The following SLC14A2 variants were observed in gnomAD, a reference collection of about 807,000 sequenced individuals.
The protein encoded by SLC14A2 is solute carrier family 14 member 2.
Under a neutral mutation model 104.6 loss-of-function variants are expected in SLC14A2, and 91 were observed. The ratio of observed to expected loss-of-function variants is 0.87; its 90% CI spans 0.73 to 1.04. SLC14A2 has a LOEUF of 1.04. Among genes scored for constraint, SLC14A2 ranks in the 50% least tolerant of loss-of-function variants. SLC14A2 has a pLI of 0.00. For missense variants in SLC14A2, 1,189 were observed against 1,156.0 expected (o/e 1.03, Z -0.41); for synonymous variants, 476 against 466.4 (o/e 1.02, Z -0.27).
At chr18:45,227,561 T>G (rs2084131987) in intron 1 of SLC14A2, among the ~76,000 whole-genome samples, 1 of 152,210 alleles carries the variant, frequency 6.6e-6, no homozygotes, top group Admixed American at 6.5e-5. Context: ...CTTAATCCCA[T>G]TAATGAGGGA....
At chr18:45,640,579 G>A (rs1412684409) in intron 7 of SLC14A2, among the ~76,000 whole-genome samples, 2 of 152,166 alleles carry the variant, frequency 1.3e-5, no homozygotes, top group East Asian at 3.8e-4. Context: ...GTCAGAGATT[G>A]GGGTAGGAGC....
the SLC14A2 span, among the ~76,000 whole-genome samples, chr18:45,194,694 G>A: frequency 7.1e-6 from 1 of 140,248 alleles, no homozygotes; most frequent in African/African-American, 2.7e-5. Context: ...TGCCCAGGCT[G>A]GAGTGCAGTG....
chr18:45,402,375 C>T (rs1345673619), intron 1 of SLC14A2, among the ~76,000 whole-genome samples: 1 of 152,148 alleles, frequency 6.6e-6, no homozygotes, highest in East Asian at 1.9e-4. Context: ...CATAAAAGAA[C>T]ACAAAAGACG....
intron 1 of SLC14A2, among the ~76,000 whole-genome samples, chr18:45,433,018 C>A (rs1350623945): frequency 2.0e-5 from 3 of 152,116 alleles, no homozygotes; most frequent in African/African-American, 7.2e-5. Context: ...TCTAAATTCT[C>A]CTCATCCTTC....
At chr18:45,356,369 C>T (rs2085554253) in intron 1 of SLC14A2, among the ~76,000 whole-genome samples, 1 of 152,158 alleles carries the variant, frequency 6.6e-6, no homozygotes, top group Non-Finnish European at 1.5e-5. Context: ...CAATAATCAT[C>T]ATCATATAGG....
intron 19 of SLC14A2, among the ~76,000 whole-genome samples, chr18:45,679,708 A>C (rs1005265638): frequency 6.6e-6 from 1 of 152,146 alleles, no homozygotes; most frequent in Non-Finnish European, 1.5e-5. Context: ...TTCTAGTAAC[A>C]CCTGCCTAGA....
At chr18:45,271,130 G>A (rs1433947105) in intron 1 of SLC14A2, among the ~76,000 whole-genome samples, 1 of 152,136 alleles carries the variant, frequency 6.6e-6, no homozygotes, top group Non-Finnish European at 1.5e-5. Context: ...CATTGGTGAT[G>A]CATCCACTTG....
intron 1 of SLC14A2, chr18:45,424,247 G>C (rs1231180894): frequency 6.6e-6 from 1 of 152,274 alleles, no homozygotes; most frequent in Non-Finnish European, 1.5e-5. Context: ...CTGGGATCCA[G>C]TTCTAACTTT....
chr18:45,579,281 G>T (rs563219337), intron 2 of SLC14A2, among the ~76,000 whole-genome samples: 1 of 152,206 alleles, frequency 6.6e-6, no homozygotes, highest in African/African-American at 2.4e-5. Flanking sequence ...ATGGAGAATT[G>T]AGACCATTTT....
intron 1 of SLC14A2, among the ~76,000 whole-genome samples, chr18:45,435,725 C>G (rs2086585869): frequency 6.6e-6 from 1 of 152,140 alleles, no homozygotes; most frequent in Non-Finnish European, 1.5e-5. Context: ...TCCCAGGACT[C>G]TATATCAACC....
intron 1 of SLC14A2, among the ~76,000 whole-genome samples, chr18:45,329,243 T>G (rs1306027234): frequency 6.6e-6 from 1 of 152,190 alleles, no homozygotes; most frequent in East Asian, 1.9e-4. Flanking sequence ...TGGAGCAGAT[T>G]ATGATGGAGG....
chr18:45,456,843 T>C (rs1225493241), intron 1 of SLC14A2, among the ~76,000 whole-genome samples: 1 of 151,904 alleles, frequency 6.6e-6, no homozygotes, highest in Non-Finnish European at 1.5e-5. Flanking sequence ...TGCAGGGCTG[T>C]TGCAGATTTT....
At chr18:45,676,325 C>T (rs1355949721) in intron 18 of SLC14A2, among the ~76,000 whole-genome samples, 7 of 152,128 alleles carry the variant, frequency 4.6e-5, no homozygotes, top group South Asian at 4.1e-4. Context: ...GAGGTGGCTG[C>T]GTCCAGACCG....
intron 2 of SLC14A2, among the ~76,000 whole-genome samples, chr18:45,577,340 G>T (rs1397780646): frequency 6.6e-6 from 1 of 152,070 alleles, no homozygotes; most frequent in Non-Finnish European, 1.5e-5. Context: ...TGCCTTTTAT[G>T]AGCTAGCTTC....
chr18:45,642,351 A>G (rs1888119284), intron 8 of SLC14A2, among the ~76,000 whole-genome samples: 1 of 152,188 alleles, frequency 6.6e-6, no homozygotes, highest in Admixed American at 6.5e-5. Flanking sequence ...AGTGCCTGTT[A>G]TTTTGAGGTT....
chr18:45,616,660 T>C (rs779564337), intron 1 of SLC14A2, among the ~76,000 whole-genome samples: 1 of 152,170 alleles, frequency 6.6e-6, no homozygotes, highest in Non-Finnish European at 1.5e-5. Context: ...AATGGGCTGA[T>C]CCAGACTGAG....
chr18:45,244,168 A>T (rs1359018464), intron 1 of SLC14A2, among the ~76,000 whole-genome samples: 1 of 152,190 alleles, frequency 6.6e-6, no homozygotes, highest in Non-Finnish European at 1.5e-5. Flanking sequence ...GCCCTTCCTC[A>T]ATATATAACT....
At chr18:45,321,436 C>A (rs1373431447) in intron 1 of SLC14A2, among the ~76,000 whole-genome samples, 1 of 152,166 alleles carries the variant, frequency 6.6e-6, no homozygotes, top group African/African-American at 2.4e-5. Flanking sequence ...CCATGCATCC[C>A]AGTTCTATGT....
At chr18:45,265,655 A>G (rs16978313) in intron 1 of SLC14A2, among the ~76,000 whole-genome samples, 4,205 of 152,290 alleles carry the variant, frequency 0.028, 139 homozygotes, top group African/African-American at 0.07. Flanking sequence ...TAACCTGGAC[A>G]TTTAAAAACG....
Sources: gnomAD v4.1 joint callset for allele counts (sites outside exome capture counted in the v4.1 genomes callset) on GRCh38, gnomAD v4.1.1 for gene constraint, MANE v1.5 for transcripts, NCBI Gene and HGNC (gene_info 2026-07-23, HGNC 2026-07-21) for gene names.